LDB2: variants seen among roughly 807,000 people sequenced by gnomAD.
The protein encoded by LDB2 is LIM domain binding 2.
A neutral mutation model predicts 44.3 loss-of-function variants in LDB2; 12 were observed. The ratio of observed to expected loss-of-function variants is 0.27; its 90% CI spans 0.17 to 0.44. The LOEUF is 0.44. Ranked by LOEUF, LDB2 falls within the 20% of genes least tolerant of loss-of-function variation. The probability of loss-of-function intolerance (pLI) is 1.00; values close to 1 mark genes in which losing one functional copy is unlikely to be tolerated. For missense variants in LDB2, 344 were observed against 473.5 expected (o/e 0.73, Z 2.54); for synonymous variants, 164 against 174.8 (o/e 0.94, Z 0.49).
At chr4:16,608,206 CAAA>C (rs71649969) in intron 2 of LDB2, among the ~76,000 whole-genome samples, 8 of 68,482 alleles carry the variant, frequency 1.2e-4, no homozygotes, top group Non-Finnish European at 1.5e-4. Context: ...CACACTTCTT[CAAA>C]AAAAAAAAAA....
chr4:16,686,409 C>T (rs1333724235), intron 2 of LDB2, among the ~76,000 whole-genome samples: 2 of 152,200 alleles, frequency 1.3e-5, no homozygotes, highest in East Asian at 1.9e-4. Flanking sequence ...GCTGAGGTTC[C>T]AATGGCTTAA....
intron 2 of LDB2, among the ~76,000 whole-genome samples, chr4:16,702,447 G>GGT (rs1753661540): frequency 6.6e-6 from 1 of 152,110 alleles, no homozygotes; most frequent in African/African-American, 2.4e-5. Context: ...ATCATTTTAG[G>GGT]CCTCAGCCCT....
At chr4:16,510,367 A>G (rs577645341) in intron 6 of LDB2, among the ~76,000 whole-genome samples, 26 of 152,292 alleles carry the variant, frequency 1.7e-4, no homozygotes, top group Non-Finnish European at 3.2e-4. Flanking sequence ...CTTGCTCTGA[A>G]GGATGAGAGG....
chr4:16,755,539 GAGACAGACAGA>G (rs1766434361), intron 2 of LDB2, among the ~76,000 whole-genome samples: 4 of 31,830 alleles, frequency 1.3e-4, no homozygotes, highest in Non-Finnish European at 2.1e-4. Context: ...GAGAGAGAGA[GAGACAGACAGA>G]CAGAGAGAGA....
chr4:16,667,538 CAGG>C (rs1490272767), intron 2 of LDB2, among the ~76,000 whole-genome samples: 1 of 152,172 alleles, frequency 6.6e-6, no homozygotes, highest in Non-Finnish European at 1.5e-5. Flanking sequence ...CACTGCAAAA[CAGG>C]AGAAGGCAGG....
chr4:16,725,962 TATG>T lies in LDB2; in HGVS notation c.235+33193_235+33195del, dbSNP rs1759359540. Among the ~76,000 whole-genome samples, 6 of 148,838 alleles carry T rather than the reference TATG, an allele frequency of 4.0e-5. No individual in the cohort carries two copies. The South Asian group carries it at 1.0e-3, about 26-fold the overall frequency. ...ACATTATATGTATATATCATATATT[TATG>T]ATATTAGTACATAAAATATCCATTA... On this transcript the variant is annotated intron_variant, in intron 2 of 7. Coordinates refer to ENST00000304523, the MANE Select transcript of LDB2 (RefSeq NM_001290.5).
chr4:16,796,731 G>A (rs1045275727), intron 1 of LDB2, among the ~76,000 whole-genome samples: 5 of 152,062 alleles, frequency 3.3e-5, no homozygotes, highest in Non-Finnish European at 7.4e-5. Flanking sequence ...GCTTAACATC[G>A]TCACTAATAA....
At chr4:16,888,823 G>C (rs972534057) in intron 1 of LDB2, 1 of 565,730 alleles carries the variant, frequency 1.8e-6, no homozygotes, top group Non-Finnish European at 2.2e-6. Flanking sequence ...TTCAGGCTAA[G>C]GAAATTGAGG....
intron 2 of LDB2, among the ~76,000 whole-genome samples, chr4:16,726,815 C>A (rs923474608): frequency 2.0e-5 from 3 of 152,122 alleles, no homozygotes; most frequent in African/African-American, 7.2e-5. Flanking sequence ...AAATATTCAG[C>A]AGATGACAAA....
chr4:16,887,032 CAAAAAAA>C (rs371783496), intron 1 of LDB2, among the ~76,000 whole-genome samples: 96 of 50,464 alleles, frequency 1.9e-3, no homozygotes, highest in African/African-American at 5.9e-3. Flanking sequence ...AACTCCGTCT[CAAAAAAA>C]AAAAAAAAAA....
chr4:16,560,868 C>T (rs568206282), intron 5 of LDB2, among the ~76,000 whole-genome samples: 6 of 152,258 alleles, frequency 3.9e-5, no homozygotes, highest in Non-Finnish European at 7.3e-5. Flanking sequence ...GCTTATCCAC[C>T]ATGATCAAGT....
At position 16,595,760 on chromosome 4, in the gene LDB2, C is replaced by T. The variant is rs1287331315; in HGVS notation, c.351G>A (p.Thr117=). 9.3e-6 allele frequency: 15 copies of T among 1,613,684 alleles called. No homozygotes were observed. The East Asian group carries it at 2.0e-4, about 22-fold the overall frequency. The change falls in exon 3 of 8, where the codon ACG becomes ACA. Residue 117 remains threonine (T), a synonymous_variant. Coordinates refer to ENST00000304523, the MANE Select transcript of LDB2 (RefSeq NM_001290.5). ...SKESYHNSSI[T]VDCDQCTMVT... is the part of the protein sequence containing the mutation. ...CCATGGTACACTGGTCGCAGTCCACCGTGATGGATGAGTTGTGGTATGACT... is the reference window on the plus strand; with the variant it reads ...CCATGGTACACTGGTCGCAGTCCACTGTGATGGATGAGTTGTGGTATGACT...
intron 5 of LDB2, among the ~76,000 whole-genome samples, chr4:16,567,598 GTC>G (rs1745011357): frequency 6.6e-6 from 1 of 152,076 alleles, no homozygotes; most frequent in Non-Finnish European, 1.5e-5. Flanking sequence ...GTGAAACCCT[GTC>G]TCTACTAGAA....
chr4:16,844,244 T>A (rs1786475645), intron 1 of LDB2, among the ~76,000 whole-genome samples: 3 of 89,604 alleles, frequency 3.3e-5, no homozygotes, highest in African/African-American at 1.4e-4. Flanking sequence ...ACACACCCTG[T>A]CTCCAAAAAA....
intron 5 of LDB2, among the ~76,000 whole-genome samples, chr4:16,530,733 G>C (rs905282307): frequency 6.6e-6 from 1 of 152,122 alleles, no homozygotes. Context: ...AGACTCTCCT[G>C]AAGTTTGTTC....
intron 1 of LDB2, among the ~76,000 whole-genome samples, chr4:16,862,607 TG>T (rs1389962255): frequency 8.9e-6 from 1 of 112,820 alleles, no homozygotes; most frequent in Non-Finnish European, 1.6e-5. Context: ...CACTCCAGCC[TG>T]GGCAACAAGA....
intron 1 of LDB2, among the ~76,000 whole-genome samples, chr4:16,865,787 T>C (rs1280726515): frequency 6.6e-6 from 1 of 152,198 alleles, no homozygotes; most frequent in Non-Finnish European, 1.5e-5. Context: ...AGCTCAGGAA[T>C]AGAATCTCTC....
At chr4:16,838,341 T>C (rs1249690702) in intron 1 of LDB2, among the ~76,000 whole-genome samples, 2 of 152,274 alleles carry the variant, frequency 1.3e-5, no homozygotes, top group East Asian at 3.9e-4. Flanking sequence ...CTTCCAGGCT[T>C]GCTACCTCAA....
At chr4:16,731,592 C>T (rs1239425265) in intron 2 of LDB2, among the ~76,000 whole-genome samples, 1 of 152,158 alleles carries the variant, frequency 6.6e-6, no homozygotes, top group African/African-American at 2.4e-5. Context: ...AAAGAGAGCC[C>T]TCAACAGGAA....
Sources: allele counts gnomAD v4.1 joint callset (sites outside exome capture counted in the v4.1 genomes callset), GRCh38; gene constraint gnomAD v4.1.1; transcripts MANE v1.5; gene names NCBI Gene and HGNC (gene_info 2026-07-23, HGNC 2026-07-21).